Variants in NKAIN2 observed in about 807,000 individuals in gnomAD.
NKAIN2 encodes sodium/potassium transporting ATPase interacting 2, also known as sodium/potassium-transporting ATPase subunit beta-1-interacting protein 2.
A neutral mutation model predicts 32.6 loss-of-function variants in NKAIN2; 14 were observed. The ratio of observed to expected loss-of-function variants is 0.43; its 90% CI spans 0.28 to 0.67. The LOEUF is 0.67. Ranked by LOEUF, NKAIN2 falls within the 30% of genes least tolerant of loss-of-function variation. The pLI is 0.17. For synonymous variants in NKAIN2, 80 were observed against 87.2 expected (o/e 0.92, Z 0.46); for missense variants, 198 against 258.3 (o/e 0.77, Z 1.60).
chr6:124,668,243 A>C (rs898895007), intron 4 of NKAIN2, among the ~76,000 whole-genome samples: 1 of 152,194 alleles, frequency 6.6e-6, no homozygotes, highest in Admixed American at 6.5e-5. Flanking sequence ...TATTTTGGTT[A>C]GTGCTAATTG....
intron 4 of NKAIN2, among the ~76,000 whole-genome samples, chr6:124,740,121 T>A (rs1207213872): frequency 6.6e-6 from 1 of 151,680 alleles, no homozygotes. Flanking sequence ...TAAAAGTTGG[T>A]TGCCCCTGTT....
intron 3 of NKAIN2, among the ~76,000 whole-genome samples, chr6:124,545,267 A>G (rs1304939540): frequency 1.3e-5 from 2 of 152,148 alleles, no homozygotes; most frequent in Non-Finnish European, 2.9e-5. Flanking sequence ...AATAATATCA[A>G]ACACGTAGAA....
intron 1 of NKAIN2, among the ~76,000 whole-genome samples, chr6:123,946,401 A>G (rs1386455606): frequency 6.6e-6 from 1 of 152,168 alleles, no homozygotes; most frequent in Non-Finnish European, 1.5e-5. Flanking sequence ...ACTGAAATTT[A>G]TACTTGGATT....
At chr6:124,261,076 T>A (rs972756120) in intron 1 of NKAIN2, among the ~76,000 whole-genome samples, 2 of 152,138 alleles carry the variant, frequency 1.3e-5, no homozygotes, top group Non-Finnish European at 2.9e-5. Flanking sequence ...TCAAGAACAT[T>A]TATAGAGATG....
chr6:124,437,446 T>A (rs1468946365), intron 3 of NKAIN2, among the ~76,000 whole-genome samples: 1 of 152,206 alleles, frequency 6.6e-6, no homozygotes, highest in African/African-American at 2.4e-5. Flanking sequence ...TGATACTACA[T>A]TATTTCATTT....
rs1283349064 is a variant in NKAIN2 at position 124,806,011 on chromosome 6, G to C, written c.536-12376G>C. 5.3e-5 allele frequency among the ~76,000 whole-genome samples: 8 copies of C among 152,176 alleles called. No individual in the cohort carries two copies. The East Asian group carries it at 1.3e-3, about 26-fold the overall frequency. On this transcript the variant is annotated intron_variant, in intron 5 of 6. Transcript: ENST00000368417. ...ATGTGAAAAGACTAAATCTACGTCTGATTGGTGTACCTGAAAGTGACGGGG... is the reference window on the plus strand; with the variant it reads ...ATGTGAAAAGACTAAATCTACGTCTCATTGGTGTACCTGAAAGTGACGGGG...
chr6:123,970,973 G>A (rs1778312930), intron 1 of NKAIN2, among the ~76,000 whole-genome samples: 1 of 152,074 alleles, frequency 6.6e-6, no homozygotes, highest in African/African-American at 2.4e-5. Flanking sequence ...TGCAATTTAA[G>A]TCATAAACTG....
In NKAIN2 at chr6:124,637,143, G is replaced by A. The variant is rs1021834434; in HGVS notation, c.274-21043G>A. Among the ~76,000 whole-genome samples the A allele has an allele frequency of 9.2e-5, 14 of 151,984 alleles. No homozygotes were observed. The East Asian group carries it at 1.7e-3, about 19-fold the overall frequency. On this transcript the variant is annotated intron_variant, in intron 3 of 6. Transcript: ENST00000368417. ...ACAGAAGTAAGGACAAGAACCACGCGATTCTCTCAGTAGGTGCAGAAAAAG... is the reference window on the plus strand; with the variant it reads ...ACAGAAGTAAGGACAAGAACCACGCAATTCTCTCAGTAGGTGCAGAAAAAG...
intron 3 of NKAIN2, among the ~76,000 whole-genome samples, chr6:124,415,753 G>A (rs1172951172): frequency 3.3e-5 from 5 of 151,868 alleles, no homozygotes; most frequent in Admixed American, 6.6e-5. Flanking sequence ...CATCACTTTA[G>A]AGACTCTAAG....
chr6:124,044,416 A>C (rs1483154966), intron 1 of NKAIN2, among the ~76,000 whole-genome samples: 1 of 152,002 alleles, frequency 6.6e-6, no homozygotes, highest in East Asian at 1.9e-4. Flanking sequence ...GAAAATGTCC[A>C]GTTTACTTCA....
At chr6:124,104,413 A>T (rs1785024411) in intron 1 of NKAIN2, among the ~76,000 whole-genome samples, 1 of 151,998 alleles carries the variant, frequency 6.6e-6, no homozygotes, top group Non-Finnish European at 1.5e-5. Flanking sequence ...GCTTATCTGA[A>T]TTTTTTTCTC....
At chr6:124,154,616 A>G (rs1393694725) in intron 1 of NKAIN2, among the ~76,000 whole-genome samples, 2 of 151,952 alleles carry the variant, frequency 1.3e-5, no homozygotes, top group African/African-American at 4.8e-5. Context: ...AATCGTATAT[A>G]TTTAAAGTGT....
rs140234991 is a variant in NKAIN2, at chr6:123,982,867, T to A, written c.54+178613T>A. ...TCAATATGAGATGCAAAAGAAACAA[T>A]GAAGTTGGGCCTCAATTCAACCTCA... On this transcript the variant is annotated intron_variant, in intron 1 of 6. Coordinates refer to ENST00000368417, the MANE Select transcript of NKAIN2 (RefSeq NM_001040214.3). Among the ~76,000 whole-genome samples the A allele has an allele frequency of 2.0e-4, 31 of 152,172 alleles. No homozygotes were observed. The East Asian group carries it at 4.3e-3, about 21-fold the overall frequency.
chr6:124,706,198 C>A (rs1314209806), intron 4 of NKAIN2, among the ~76,000 whole-genome samples: 1 of 152,010 alleles, frequency 6.6e-6, no homozygotes, highest in Non-Finnish European at 1.5e-5. Flanking sequence ...AATAATAATA[C>A]TCAACAAATG....
chr6:124,657,689 G>A (rs1784589560), intron 3 of NKAIN2, among the ~76,000 whole-genome samples: 2 of 151,942 alleles, frequency 1.3e-5, no homozygotes, highest in African/African-American at 4.8e-5. Flanking sequence ...TCTTAAGTAA[G>A]GGTCTTACAA....
intron 3 of NKAIN2, among the ~76,000 whole-genome samples, chr6:124,648,307 TCA>T (rs1784249479): frequency 6.6e-6 from 1 of 152,262 alleles, no homozygotes; most frequent in Admixed American, 6.5e-5. Flanking sequence ...CTATCATTTT[TCA>T]CAATTACATT....
intron 2 of NKAIN2, among the ~76,000 whole-genome samples, chr6:124,288,600 T>C (rs1300021354): frequency 6.6e-6 from 1 of 152,164 alleles, no homozygotes; most frequent in Non-Finnish European, 1.5e-5. Flanking sequence ...GAATGGCATG[T>C]TATTCTTTTT....
chr6:123,970,698 G>C (rs1273685762), intron 1 of NKAIN2, among the ~76,000 whole-genome samples: 1 of 151,958 alleles, frequency 6.6e-6, no homozygotes, highest in Non-Finnish European at 1.5e-5. Context: ...GGGTAACACG[G>C]TGAAACCCCA....
chr6:124,589,462 T>C (rs1781828035), intron 3 of NKAIN2, among the ~76,000 whole-genome samples: 1 of 152,186 alleles, frequency 6.6e-6, no homozygotes, highest in Non-Finnish European at 1.5e-5. Context: ...GTGGGGTCAC[T>C]ATTAAAACCA....
Sources: allele counts gnomAD v4.1 joint callset (sites outside exome capture counted in the v4.1 genomes callset), GRCh38; gene constraint gnomAD v4.1.1; transcripts MANE v1.5; gene names NCBI Gene and HGNC (gene_info 2026-07-23, HGNC 2026-07-21).